LRRC4C: variants seen among roughly 807,000 people sequenced by gnomAD.
LRRC4C encodes leucine-rich repeat-containing protein 4C.
A neutral mutation model predicts 33.6 loss-of-function variants in LRRC4C; 5 were observed. The ratio of observed to expected loss-of-function variants is 0.15; its 90% CI spans 0.08 to 0.31. The LOEUF is 0.31. Among genes scored for constraint, LRRC4C ranks in the 10% least tolerant of loss-of-function variants. The pLI is 1.00. For synonymous variants in LRRC4C, 329 were observed against 302.0 expected (o/e 1.09, Z -0.93); for missense variants, 560 against 796.7 (o/e 0.70, Z 3.58).
chr11:40,518,182 T>C (rs1246846193), intron 3 of LRRC4C, among the ~76,000 whole-genome samples: 1 of 152,138 alleles, frequency 6.6e-6, no homozygotes. Context: ...GGCAATGCCA[T>C]TCAGGACATA....
In LRRC4C at chr11:40,558,591, C is replaced by A. The variant is rs955670747; in HGVS notation, c.-270+89551G>T. Among the ~76,000 whole-genome samples the A allele has an allele frequency of 7.2e-5, 11 of 152,304 alleles. 1 individual carries two copies. The highest frequency in any genetic ancestry group is 2.2e-4 in the African/African-American group (9 of 41,570). Reference sequence around the variant, plus strand: ...CTCACTTTGATTAATTCCGTCATTACCACATCACTCCTGCCCCTGTACTGT... The same window carrying A: ...CTCACTTTGATTAATTCCGTCATTAACACATCACTCCTGCCCCTGTACTGT... On this transcript the variant is annotated intron_variant, in intron 3 of 6. Transcript: ENST00000528697.
intron 1 of LRRC4C, among the ~76,000 whole-genome samples, chr11:41,051,404 C>T (rs1275075247): frequency 1.3e-5 from 2 of 151,384 alleles, no homozygotes; most frequent in African/African-American, 4.9e-5. Flanking sequence ...TTCTACTTTA[C>T]ATCTGATGTG....
intron 2 of LRRC4C, among the ~76,000 whole-genome samples, chr11:40,741,642 A>T: frequency 6.6e-6 from 1 of 152,226 alleles, no homozygotes; most frequent in East Asian, 1.9e-4. Flanking sequence ...GGCACAGAGC[A>T]AATATTGCCT....
intron 1 of LRRC4C, among the ~76,000 whole-genome samples, chr11:41,051,801 A>G (rs767734394): frequency 2.0e-5 from 3 of 152,144 alleles, no homozygotes; most frequent in Admixed American, 6.6e-5. Flanking sequence ...CCACCACTGA[A>G]TATGCCTCTT....
At chr11:40,534,353 C>T (rs999534298) in intron 3 of LRRC4C, among the ~76,000 whole-genome samples, 2 of 152,090 alleles carry the variant, frequency 1.3e-5, no homozygotes, top group Admixed American at 6.6e-5. Context: ...ATACATAGTA[C>T]TTAAAAATAA....
In LRRC4C at chr11:40,255,268, G is replaced by A. The variant is rs12416765; in HGVS notation, c.-175-13670C>T. ...CCAACCCCGACGCAGTCTGGGATGT[G>A]CCACAAAGCCACCTGCTCTAGAGCA... is the stretch of plus-strand genomic sequence containing the variant. On this transcript the variant is annotated intron_variant, in intron 4 of 6. Coordinates refer to ENST00000528697, the MANE Select transcript of LRRC4C (RefSeq NM_001258419.2). 8.5e-4 allele frequency among the ~76,000 whole-genome samples: 129 copies of A among 152,170 alleles called. 3 individuals carry two copies. The East Asian group carries it at 0.022, about 26-fold the overall frequency.
At chr11:40,766,675 C>T (rs867394252) in intron 2 of LRRC4C, among the ~76,000 whole-genome samples, 1 of 150,088 alleles carries the variant, frequency 6.7e-6, no homozygotes, top group East Asian at 1.9e-4. Context: ...ATTTTGTTTG[C>T]CTGCTTTTAC....
At chr11:40,954,703 T>C (rs538787126) in intron 1 of LRRC4C, among the ~76,000 whole-genome samples, 9 of 151,996 alleles carry the variant, frequency 5.9e-5, no homozygotes, top group Admixed American at 3.3e-4. Context: ...AATGCAATAA[T>C]AGAGTGATCC....
chr11:40,605,241 C>T (rs1268162636), intron 3 of LRRC4C, among the ~76,000 whole-genome samples: 1 of 151,874 alleles, frequency 6.6e-6, no homozygotes, highest in Non-Finnish European at 1.5e-5. Flanking sequence ...AATTAGATTC[C>T]CTTAATGTGC....
intron 2 of LRRC4C, among the ~76,000 whole-genome samples, chr11:40,757,304 G>A (rs1949000634): frequency 1.3e-5 from 2 of 151,978 alleles, no homozygotes; most frequent in Admixed American, 1.3e-4. Context: ...ATTAGGATGG[G>A]CATCTTGTAG....
At chr11:41,131,298 C>G (rs1165587446) in intron 1 of LRRC4C, among the ~76,000 whole-genome samples, 1 of 152,024 alleles carries the variant, frequency 6.6e-6, no homozygotes, top group East Asian at 1.9e-4. Flanking sequence ...ACCTTTACTT[C>G]TGTCTTCTCT....
intron 3 of LRRC4C, among the ~76,000 whole-genome samples, chr11:40,558,225 T>C (rs951069): frequency 0.035 from 5,330 of 152,294 alleles, 253 homozygotes; most frequent in African/African-American, 0.11. Context: ...TTAAAAATAA[T>C]ATTTGAGACA....
intron 5 of LRRC4C, among the ~76,000 whole-genome samples, 166 bp downstream of exon 5, chr11:40,241,353 G>T (rs1033574863): frequency 1.3e-5 from 2 of 152,046 alleles, no homozygotes; most frequent in Non-Finnish European, 2.9e-5. Flanking sequence ...CTGCACTTCA[G>T]CCTTGGCAAC....
intron 2 of LRRC4C, among the ~76,000 whole-genome samples, chr11:40,824,044 A>C (rs1006554724): frequency 2.0e-5 from 3 of 151,956 alleles, no homozygotes; most frequent in African/African-American, 4.8e-5. Context: ...CCAGATGCAA[A>C]AGACTATATG....
rs1555172340 is a variant in LRRC4C, at chr11:41,442,468, T to TTTTTC, written c.-496+16962_-496+16963insGAAAA. Among the ~76,000 whole-genome samples the TTTTTC allele has an allele frequency of 2.3e-3, 240 of 106,540 alleles. 9 individuals are homozygous for TTTTTC. The highest frequency in any genetic ancestry group is 7.4e-3 in the African/African-American group (198 of 26,648). The allele number at this position is 106,540 out of a possible 152,430, so 69.9% of individuals were successfully genotyped here. ...CTTTGTTGCTTTTTTCTTTTTTTTT[T>TTTTTC]TTTTTTTTTTTTTTTTTTTGAGACA... On this transcript the variant is annotated intron_variant, in intron 1 of 6. Coordinates refer to ENST00000528697, the MANE Select transcript of LRRC4C (RefSeq NM_001258419.2).
At chr11:41,127,112 A>G (rs7102622) in intron 1 of LRRC4C, among the ~76,000 whole-genome samples, 31,401 of 151,894 alleles carry the variant, frequency 0.21, 3,403 homozygotes, top group Non-Finnish European at 0.24. Flanking sequence ...CTGAGACAGT[A>G]TTTTTTCTGT....
chr11:40,693,542 G>T (rs765632970), intron 2 of LRRC4C, among the ~76,000 whole-genome samples: 2 of 151,946 alleles, frequency 1.3e-5, no homozygotes, highest in African/African-American at 4.8e-5. Context: ...TTCTTTTCTC[G>T]TCTACCTTTA....
intron 1 of LRRC4C, among the ~76,000 whole-genome samples, chr11:41,211,946 A>G (rs533517141): frequency 6.6e-6 from 1 of 152,344 alleles, no homozygotes; most frequent in East Asian, 1.9e-4. Context: ...CAGTCCCACC[A>G]ACAGTGTAAA....
intron 3 of LRRC4C, among the ~76,000 whole-genome samples, chr11:40,320,705 C>T (rs1945800752): frequency 6.6e-6 from 1 of 152,082 alleles, no homozygotes; most frequent in Non-Finnish European, 1.5e-5. Context: ...AATTGCTCCA[C>T]ATATAAAACA....
Sources: gnomAD v4.1 joint callset for allele counts (sites outside exome capture counted in the v4.1 genomes callset) on GRCh38, gnomAD v4.1.1 for gene constraint, MANE v1.5 for transcripts, NCBI Gene and HGNC (gene_info 2026-07-23, HGNC 2026-07-21) for gene names.